CDKAL1: variants seen among roughly 807,000 people sequenced by gnomAD.
CDKAL1 encodes the protein CDKAL1 threonylcarbamoyladenosine tRNA methylthiotransferase.
A neutral mutation model predicts 68.2 loss-of-function variants in CDKAL1; 32 were observed. That is an observed-to-expected ratio of 0.47 (90% CI 0.35 to 0.63). The LOEUF is 0.63. CDKAL1 is among the 30% of genes least tolerant of loss of function. CDKAL1 has a pLI of 0.00. For missense variants in CDKAL1, 606 were observed against 696.7 expected (o/e 0.87, Z 1.47); for synonymous variants, 234 against 244.3 (o/e 0.96, Z 0.39).
chr6:21,085,118 G>A (rs1263758517), intron 12 of CDKAL1, among the ~76,000 whole-genome samples: 4 of 152,180 alleles, frequency 2.6e-5, no homozygotes, highest in Non-Finnish European at 5.9e-5. Context: ...TTATCCAGGG[G>A]AAGATTGGAA....
At chr6:20,976,837 ATC>A (rs949256788) in intron 10 of CDKAL1, among the ~76,000 whole-genome samples, 2 of 152,192 alleles carry the variant, frequency 1.3e-5, no homozygotes, top group African/African-American at 4.8e-5. Flanking sequence ...TATTTCAATA[ATC>A]TGTTTTTATT....
At chr6:20,983,905 A>G (rs1766293566) in intron 10 of CDKAL1, among the ~76,000 whole-genome samples, 1 of 152,194 alleles carries the variant, frequency 6.6e-6, no homozygotes. Context: ...GAATTAGTGT[A>G]TGTATAGAGA....
intron 5 of CDKAL1, among the ~76,000 whole-genome samples, chr6:20,652,268 T>C (rs541278505): frequency 6.6e-6 from 1 of 152,336 alleles, no homozygotes; most frequent in South Asian, 2.1e-4. Context: ...TGTGTTCTTC[T>C]CGGAGAATCA....
intron 7 of CDKAL1, among the ~76,000 whole-genome samples, chr6:20,763,302 G>A (rs1043534856): frequency 1.3e-5 from 2 of 152,120 alleles, no homozygotes; most frequent in African/African-American, 4.8e-5. Context: ...CTTTCTCCAG[G>A]TTTCTGCAGC....
At chr6:20,916,094 T>C (rs963546006) in intron 9 of CDKAL1, among the ~76,000 whole-genome samples, 12 of 152,230 alleles carry the variant, frequency 7.9e-5, no homozygotes, top group African/African-American at 2.7e-4. Flanking sequence ...GGAGCAGTTC[T>C]GTGTGCCGAC....
At chr6:20,755,638 T>A (rs751059983) in intron 6 of CDKAL1, among the ~76,000 whole-genome samples, 2 of 152,208 alleles carry the variant, frequency 1.3e-5, no homozygotes, top group Non-Finnish European at 2.9e-5. Flanking sequence ...ACCATCCTGG[T>A]ATAATTTAGA....
intron 10 of CDKAL1, among the ~76,000 whole-genome samples, chr6:20,987,708 G>A (rs566688203): frequency 1.3e-5 from 2 of 152,228 alleles, no homozygotes; most frequent in South Asian, 4.1e-4. Context: ...TAAGAAAAAG[G>A]ATGCTGTGCT....
rs200231445 is a variant in CDKAL1, at chr6:21,151,867, G to GT, written c.1299+43414dup. 1.6e-3 allele frequency among the ~76,000 whole-genome samples: 232 copies of GT among 149,054 alleles called. 1 individual carries two copies. Among genetic ancestry groups the GT allele is most frequent in the African/African-American group, 3.8e-3 (155 of 40,836 alleles). ...TTGAAAAATGCAGTTCGTATCTACA[G>GT]TTTTTTTTTTAACTTTCTAGCTCTC... On this transcript the variant is annotated intron_variant, in intron 13 of 15. Coordinates refer to ENST00000274695, the MANE Select transcript of CDKAL1 (RefSeq NM_017774.3).
chr6:20,833,736 A>G (rs1258985594), intron 8 of CDKAL1, among the ~76,000 whole-genome samples: 2 of 152,194 alleles, frequency 1.3e-5, no homozygotes, highest in Non-Finnish European at 2.9e-5. Flanking sequence ...AGCATATTTG[A>G]TAGCAAGTGA....
chr6:20,559,555 C>T (rs535586688), intron 4 of CDKAL1: 1 of 152,200 alleles, frequency 6.6e-6, no homozygotes, highest in East Asian at 1.9e-4. Flanking sequence ...AACCTTTGGC[C>T]TGACCTTTTC....
chr6:20,900,339 T>G (rs1174185756), intron 9 of CDKAL1, among the ~76,000 whole-genome samples: 1 of 152,232 alleles, frequency 6.6e-6, no homozygotes, highest in Non-Finnish European at 1.5e-5. Flanking sequence ...TCCTACCATT[T>G]AAAAGATAGT....
At chr6:20,992,905 GAA>G (rs57746939) in intron 10 of CDKAL1, among the ~76,000 whole-genome samples, 7 of 144,090 alleles carry the variant, frequency 4.9e-5, no homozygotes, top group African/African-American at 1.5e-4. Flanking sequence ...CTGTCTCAAA[GAA>G]AAAAAAAAAA....
At chr6:20,671,260 G>A (rs1199380595) in intron 5 of CDKAL1, among the ~76,000 whole-genome samples, 2 of 152,076 alleles carry the variant, frequency 1.3e-5, no homozygotes, top group Non-Finnish European at 2.9e-5. Flanking sequence ...TTTCATTTCT[G>A]TAATTGTGAG....
chr6:20,908,262 G>C (rs1012707653), intron 9 of CDKAL1, among the ~76,000 whole-genome samples: 1 of 152,124 alleles, frequency 6.6e-6, no homozygotes, highest in Non-Finnish European at 1.5e-5. Context: ...TTTTTCACTA[G>C]AAGGTAAATG....
intron 10 of CDKAL1, among the ~76,000 whole-genome samples, chr6:20,995,139 A>T (rs900361353): frequency 1.3e-5 from 2 of 152,186 alleles, no homozygotes; most frequent in Non-Finnish European, 2.9e-5. Context: ...TTCAGGCTCC[A>T]CTTGTAATTC....
intron 12 of CDKAL1, among the ~76,000 whole-genome samples, chr6:21,075,800 A>G (rs2150950024): frequency 6.6e-6 from 1 of 152,314 alleles, no homozygotes; most frequent in Middle Eastern, 3.4e-3. Context: ...AAGTTTAAAA[A>G]GTCTTTTGAT....
intron 15 of CDKAL1, among the ~76,000 whole-genome samples, chr6:21,208,608 T>TC (rs1314544893): frequency 5.7e-5 from 5 of 88,482 alleles, no homozygotes; most frequent in African/African-American, 2.9e-4. Context: ...TTTTTTCTGT[T>TC]CCTTTTTTTT....
At chr6:21,076,561 A>G (rs1001626882) in intron 12 of CDKAL1, among the ~76,000 whole-genome samples, 5 of 152,226 alleles carry the variant, frequency 3.3e-5, no homozygotes, top group African/African-American at 7.2e-5. Flanking sequence ...AGCTTACTCG[A>G]TAACAGAATT....
chr6:20,762,304 G>A (rs1774503938), intron 7 of CDKAL1, among the ~76,000 whole-genome samples: 1 of 152,182 alleles, frequency 6.6e-6, no homozygotes, highest in African/African-American at 2.4e-5. Context: ...AGATGAAGTT[G>A]AAGGGGATAT....
Sources: gnomAD v4.1 joint callset for allele counts (sites outside exome capture counted in the v4.1 genomes callset) on GRCh38, gnomAD v4.1.1 for gene constraint, MANE v1.5 for transcripts, NCBI Gene and HGNC (gene_info 2026-07-23, HGNC 2026-07-21) for gene names.